The following ZNF536 variants were observed in gnomAD, a reference collection of about 807,000 sequenced individuals.
ZNF536 encodes zinc finger protein 536.
In ZNF536, 13 loss-of-function variants were observed where a neutral mutation model predicts 84.5. The observed-to-expected ratio is 0.15, with a 90% CI of 0.10 to 0.24. ZNF536 has a LOEUF of 0.24. Among genes scored for constraint, ZNF536 ranks in the 10% least tolerant of loss-of-function variants. ZNF536 has a pLI of 1.00. For synonymous variants in ZNF536, 811 were observed against 742.5 expected (o/e 1.09, Z -1.50); for missense variants, 1,536 against 1,747.5 (o/e 0.88, Z 2.16).
chr19:30,664,736 A>AAC (rs1259952184), intron 1 of ZNF536, among the ~76,000 whole-genome samples: 2 of 152,180 alleles, frequency 1.3e-5, no homozygotes, highest in African/African-American at 4.8e-5. Flanking sequence ...CTGGCCTTTG[A>AAC]ACACACTCTG....
intron 2 of ZNF536, among the ~76,000 whole-genome samples, chr19:30,329,303 A>G (rs2047134590): frequency 6.6e-6 from 1 of 152,138 alleles, no homozygotes. Context: ...CTTGCTGAAA[A>G]CATATCCTTT....
At chr19:30,394,969 C>T (rs2049753660) in intron 1 of ZNF536, among the ~76,000 whole-genome samples, 1 of 152,096 alleles carries the variant, frequency 6.6e-6, no homozygotes, top group Non-Finnish European at 1.5e-5. Flanking sequence ...ATCTGCTTCC[C>T]CTTTCAGCTT....
intron 2 of ZNF536, among the ~76,000 whole-genome samples, chr19:30,316,909 T>A (rs2046697509): frequency 6.6e-6 from 1 of 152,168 alleles, no homozygotes; most frequent in African/African-American, 2.4e-5. Flanking sequence ...CATAAAGCCC[T>A]GTGAAGCCTG....
At chr19:30,327,966 G>A (rs2146344997) in intron 2 of ZNF536, among the ~76,000 whole-genome samples, 1 of 148,948 alleles carries the variant, frequency 6.7e-6, no homozygotes. Context: ...TTACTAGTGG[G>A]GACAGGTCAG....
At chr19:30,539,206 A>C (rs938137498) in intron 3 of ZNF536, among the ~76,000 whole-genome samples, 1 of 152,170 alleles carries the variant, frequency 6.6e-6, no homozygotes, top group Non-Finnish European at 1.5e-5. Flanking sequence ...AAGATCCAAG[A>C]TCTGTAATTG....
intron 1 of ZNF536, among the ~76,000 whole-genome samples, chr19:30,416,000 T>G (rs1370085817): frequency 6.6e-6 from 1 of 152,232 alleles, no homozygotes; most frequent in Non-Finnish European, 1.5e-5. Flanking sequence ...TATCTGCATG[T>G]CTTTTCATTT....
At chr19:30,688,850 C>T (rs1295158619) in intron 1 of ZNF536, among the ~76,000 whole-genome samples, 1 of 152,230 alleles carries the variant, frequency 6.6e-6, no homozygotes, top group African/African-American at 2.4e-5. Flanking sequence ...GCCTACACAT[C>T]ACCCTGGCTG....
chr19:30,286,181 C>T (rs2045619110), intron 2 of ZNF536, among the ~76,000 whole-genome samples: 1 of 152,178 alleles, frequency 6.6e-6, no homozygotes, highest in South Asian at 2.1e-4. Flanking sequence ...TAACATTCCA[C>T]CTTTTCAAAG....
intron 1 of ZNF536, among the ~76,000 whole-genome samples, chr19:30,280,617 A>G (rs1291994833): frequency 6.6e-6 from 1 of 152,188 alleles, no homozygotes; most frequent in Non-Finnish European, 1.5e-5. Flanking sequence ...CAGGCAGGAA[A>G]CTCGCTGGCC....
intron 1 of ZNF536, among the ~76,000 whole-genome samples, chr19:30,237,182 T>C (rs767375501): frequency 6.6e-6 from 1 of 152,310 alleles, no homozygotes; most frequent in East Asian, 1.9e-4. Flanking sequence ...CATGATAATA[T>C]TGCTCAGATG....
At chr19:30,686,506 G>A (rs779636583) in intron 1 of ZNF536, among the ~76,000 whole-genome samples, 2 of 152,226 alleles carry the variant, frequency 1.3e-5, no homozygotes, top group Non-Finnish European at 2.9e-5. Context: ...ACAGGGCGCG[G>A]TGGCCTCCCC....
intron 1 of ZNF536, among the ~76,000 whole-genome samples, chr19:30,576,240 C>T (rs997314137): frequency 6.6e-6 from 1 of 152,104 alleles, no homozygotes; most frequent in Non-Finnish European, 1.5e-5. Context: ...GGTAGGAGGC[C>T]GGGAAGGAGG....
At chr19:30,269,770 G>A (rs1164579540) in intron 1 of ZNF536, among the ~76,000 whole-genome samples, 1 of 152,162 alleles carries the variant, frequency 6.6e-6, no homozygotes, top group African/African-American at 2.4e-5. Context: ...GCCTCGGCTT[G>A]TACGAACGAA....
At chr19:30,601,266 A>G (rs1329463392) in intron 1 of ZNF536, among the ~76,000 whole-genome samples, 2 of 152,236 alleles carry the variant, frequency 1.3e-5, no homozygotes, top group African/African-American at 4.8e-5. Flanking sequence ...CCACATTTCT[A>G]CAAGTCCCAG....
chr19:30,596,195 C>A (rs1352775746), intron 1 of ZNF536, among the ~76,000 whole-genome samples: 2 of 151,094 alleles, frequency 1.3e-5, no homozygotes, highest in Non-Finnish European at 2.9e-5. Flanking sequence ...ATATATTCCA[C>A]TGAATGACAG....
intron 1 of ZNF536, among the ~76,000 whole-genome samples, chr19:30,426,196 A>G (rs549283632): frequency 2.0e-5 from 3 of 152,362 alleles, no homozygotes; most frequent in East Asian, 1.9e-4. Flanking sequence ...TGCTCTGGCT[A>G]TTAAAAACCT....
intron 2 of ZNF536, among the ~76,000 whole-genome samples, chr19:30,513,672 C>A (rs912227118): frequency 6.6e-6 from 1 of 152,082 alleles, no homozygotes. Context: ...TCTACCAGGT[C>A]CTCCACTCTA....
chr19:30,626,988 T>C (rs999162090), intron 1 of ZNF536, among the ~76,000 whole-genome samples: 1 of 152,176 alleles, frequency 6.6e-6, no homozygotes, highest in East Asian at 1.9e-4. Context: ...AGAGACAGAA[T>C]GATGGGACTG....
intron 1 of ZNF536, among the ~76,000 whole-genome samples, chr19:30,257,018 A>T (rs1011482827): frequency 3.9e-5 from 6 of 152,226 alleles, no homozygotes; most frequent in Non-Finnish European, 2.9e-5. Context: ...CATTACAATT[A>T]GCTTTGAAAT....
Sources: allele counts gnomAD v4.1 joint callset (sites outside exome capture counted in the v4.1 genomes callset), GRCh38; gene constraint gnomAD v4.1.1; transcripts MANE v1.5; gene names NCBI Gene and HGNC (gene_info 2026-07-23, HGNC 2026-07-21).